Variants in ADRA1B observed in about 807,000 individuals in gnomAD.
The protein encoded by ADRA1B is adrenoceptor alpha 1B.
ADRA1B carries 17 observed loss-of-function variants against 17.9 expected under a neutral mutation model. That is an observed-to-expected ratio of 0.95 (90% CI 0.65 to 1.42). ADRA1B has a LOEUF of 1.42. Ranked by LOEUF, ADRA1B falls within the 40% of genes most tolerant of loss-of-function variation. ADRA1B has a pLI of 0.00. For synonymous variants in ADRA1B, 366 were observed against 327.6 expected (o/e 1.12, Z -1.27); for missense variants, 681 against 722.1 (o/e 0.94, Z 0.65).
chr5:159,972,299 C>T lies in ADRA1B; in HGVS notation c.1370C>T (p.Pro457Leu). Residue 457 changes from proline (P) to leucine (L), a missense_variant, in exon 2 of 2, where the codon CCC becomes CTC. Around this residue, in one of 3 missense-constraint regions of ADRA1B, gnomAD observed 251 missense variants for 224.9 expected, o/e 1.12. Coordinates refer to ENST00000306675, the MANE Select transcript of ADRA1B (RefSeq NM_000679.4). ...WKAPGALLSLPAPEPPGRRGR... is the reference protein window; with the variant it reads ...WKAPGALLSLLAPEPPGRRGR... Reference sequence around the variant, plus strand: ...GCGCCCGGCGCCCTCCTGAGCCTGCCCGCGCCTGAGCCCCCCGGCCGCCGC... The same window carrying T: ...GCGCCCGGCGCCCTCCTGAGCCTGCTCGCGCCTGAGCCCCCCGGCCGCCGC... 1 of 1,424,032 alleles carries T rather than the reference C, an allele frequency of 7.0e-7. No homozygotes were observed. Among genetic ancestry groups the T allele is most frequent in the Non-Finnish European group, 9.1e-7 (1 of 1,093,708 alleles). The allele number at this position is 1,424,032 out of a possible 1,614,324, so 88.2% of individuals were successfully genotyped here. A position where few individuals can be genotyped will look rare whatever the true frequency, so the allele number is the denominator to read the frequency against.
chr5:159,965,382 G>C (rs923752339), intron 1 of ADRA1B, among the ~76,000 whole-genome samples: 2 of 152,134 alleles, frequency 1.3e-5, no homozygotes, highest in African/African-American at 4.8e-5. Flanking sequence ...TTGTTAAAGA[G>C]CCCAGCGCAG....
chr5:159,924,876 C>T (rs1754600415), intron 1 of ADRA1B, among the ~76,000 whole-genome samples: 1 of 152,226 alleles, frequency 6.6e-6, no homozygotes, highest in South Asian at 2.1e-4. Flanking sequence ...AATAGTAATA[C>T]TAATAGCTAC....
chr5:159,906,307 C>T (rs1561586753), intron 1 of ADRA1B, among the ~76,000 whole-genome samples: 1 of 152,160 alleles, frequency 6.6e-6, no homozygotes, highest in Non-Finnish European at 1.5e-5. Context: ...CCAAGTTATG[C>T]ATATAAGAAC....
chr5:159,886,824 A>G (rs1753930795), intron 1 of ADRA1B, among the ~76,000 whole-genome samples: 1 of 152,148 alleles, frequency 6.6e-6, no homozygotes, highest in East Asian at 1.9e-4. Flanking sequence ...AAAAAAAGAG[A>G]GTAATGGAAC....
chr5:159,901,559 T>A (rs1174254089), intron 1 of ADRA1B, among the ~76,000 whole-genome samples: 1 of 152,200 alleles, frequency 6.6e-6, no homozygotes, highest in Non-Finnish European at 1.5e-5. Flanking sequence ...TAACCAGATA[T>A]GTTGCTTTGA....
Position 159,972,607 on chromosome 5 carries a change from G to C in ADRA1B, c.*115G>C. The C allele has an allele frequency of 2.8e-4, 50 of 180,464 alleles. No individual in the cohort carries two copies. Among genetic ancestry groups the C allele is most frequent in the East Asian group, 1.6e-3 (8 of 5,106 alleles). The allele number at this position is 180,464 out of a possible 1,614,324, so 11.2% of individuals were successfully genotyped here. A position where few individuals can be genotyped will look rare whatever the true frequency, so the allele number is the denominator to read the frequency against. ...GCCGGGTAGACGCGCGCCCCAAGGG[G>C]AACCGGGGGGAGGGCCGGGGAGAGG... On this transcript the variant is annotated 3_prime_UTR_variant, in exon 2 of 2. Coordinates refer to ENST00000306675, the MANE Select transcript of ADRA1B (RefSeq NM_000679.4).
In ADRA1B at chr5:159,967,948, G is replaced by A. The variant is rs551552212; in HGVS notation, c.950-3931G>A. 5.3e-5 allele frequency among the ~76,000 whole-genome samples: 8 copies of A among 152,106 alleles called. No homozygotes were observed. In the East Asian group the frequency reaches 9.7e-4, roughly 18 times the overall value. On this transcript the variant is annotated intron_variant, in intron 1 of 1. Coordinates refer to ENST00000306675, the MANE Select transcript of ADRA1B (RefSeq NM_000679.4). ...TGAACGTGAAGAACAACCAAAAAACGTATGCCGCGCAGACATAGGGGGAAA... is the reference window on the plus strand; with the variant it reads ...TGAACGTGAAGAACAACCAAAAAACATATGCCGCGCAGACATAGGGGGAAA...
intron 1 of ADRA1B, among the ~76,000 whole-genome samples, chr5:159,925,670 T>A (rs1581039126): frequency 6.6e-6 from 1 of 152,166 alleles, no homozygotes; most frequent in Non-Finnish European, 1.5e-5. Context: ...TGGCTAGTGG[T>A]GACCTAGCTA....
chr5:159,987,291 G>A, the ADRA1B span, among the ~76,000 whole-genome samples: 523 of 152,346 alleles, frequency 3.4e-3, 4 homozygotes, highest in Non-Finnish European at 4.8e-3. Context: ...TCCTGCGGCG[G>A]GGGCGCCCAG....
chr5:159,899,171 G>T (rs1754068258), intron 1 of ADRA1B, among the ~76,000 whole-genome samples: 2 of 136,738 alleles, frequency 1.5e-5, no homozygotes, highest in South Asian at 2.4e-4. Context: ...AGAAAGAAAA[G>T]AAAAGAAAAA....
chr5:159,975,809 A>G (rs559546682), downstream of ADRA1B, among the ~76,000 whole-genome samples: 27 of 152,328 alleles, frequency 1.8e-4, no homozygotes, highest in Admixed American at 1.6e-3. Flanking sequence ...AGAGCCCCTC[A>G]GGCAGACAGG....
intron 1 of ADRA1B, among the ~76,000 whole-genome samples, chr5:159,889,519 T>A (rs996305269): frequency 2.6e-5 from 4 of 152,122 alleles, no homozygotes; most frequent in African/African-American, 9.7e-5. Flanking sequence ...AGCTAGGAAG[T>A]AGCACATGAC....
upstream of ADRA1B, among the ~76,000 whole-genome samples, chr5:159,913,887 C>G (rs959925614): frequency 1.6e-4 from 24 of 152,182 alleles, no homozygotes; most frequent in African/African-American, 5.8e-4. Flanking sequence ...CCCACCCTTA[C>G]CCTCCCCTAC....
At chr5:159,987,601 T>C in the ADRA1B span, among the ~76,000 whole-genome samples, 1 of 152,246 alleles carries the variant, frequency 6.6e-6, no homozygotes, top group Admixed American at 6.5e-5. Context: ...CGAGGCTGCT[T>C]GGCAATTCAG....
At chr5:159,960,119 T>A (rs1755639102) in intron 1 of ADRA1B, among the ~76,000 whole-genome samples, 1 of 152,204 alleles carries the variant, frequency 6.6e-6, no homozygotes, top group Admixed American at 6.5e-5. Context: ...GTCATCTGGA[T>A]CTTAGCGGGT....
Position 159,917,012 on chromosome 5 carries a change from C to T in ADRA1B, c.107C>T (p.Thr36Ile). The T allele has an allele frequency of 1.2e-6, 2 of 1,614,192 alleles. No individual in the cohort carries two copies. The highest frequency in any genetic ancestry group is 1.7e-6 in the Non-Finnish European group (2 of 1,180,026). Residue 36 changes from threonine (T) to isoleucine (I), a missense_variant, in exon 1 of 2, where the codon ACA (threonine) becomes ATA (isoleucine). Coordinates refer to ENST00000306675, the MANE Select transcript of ADRA1B (RefSeq NM_000679.4). ...TGPNQTSSNS[T>I]LPQLDITRAI... ...CCCAACCAGACCTCGAGCAACTCCA[C>T]ACTGCCCCAGCTGGACATCACCAGG...
rs145167120 is a variant in ADRA1B, at chr5:159,971,907, C to A, written c.978C>A (p.Pro326=). The part of the protein sequence containing the change: ...LGSLFSTLKP[P]DAVFKVVFWL... ...CCTTGTTCTCCACCCTGAAGCCCCCCGACGCCGTGTTCAAGGTGGTGTTCT... is the reference window on the plus strand; with the variant it reads ...CCTTGTTCTCCACCCTGAAGCCCCCAGACGCCGTGTTCAAGGTGGTGTTCT... Residue 326 remains proline, a synonymous_variant, in exon 2 of 2, where the codon CCC becomes CCA. Transcript: ENST00000306675. The A allele has an allele frequency of 4.6e-6, 6 of 1,299,360 alleles. No individual in the cohort carries two copies. Among genetic ancestry groups the A allele is most frequent in the Non-Finnish European group, 5.9e-6 (6 of 1,011,158 alleles). 80.5% of individuals were successfully genotyped at this position (1,299,360 alleles called of 1,614,324 possible).
intron 1 of ADRA1B, among the ~76,000 whole-genome samples, chr5:159,928,868 C>T (rs1754728764): frequency 6.6e-6 from 1 of 152,138 alleles, no homozygotes; most frequent in Admixed American, 6.5e-5. Context: ...GAGGAGGATC[C>T]ACCAACTGGA....
At chr5:159,880,514 G>C (rs1000072628) in intron 1 of ADRA1B, among the ~76,000 whole-genome samples, 1 of 152,166 alleles carries the variant, frequency 6.6e-6, no homozygotes, top group Non-Finnish European at 1.5e-5. Flanking sequence ...AATCTTAAAG[G>C]TCATCCCATC....
Sources: allele counts gnomAD v4.1 joint callset (sites outside exome capture counted in the v4.1 genomes callset), GRCh38; gene constraint gnomAD v4.1.1; regional missense constraint gnomAD v4.1.1; transcripts MANE v1.5; gene names NCBI Gene and HGNC (gene_info 2026-07-23, HGNC 2026-07-21).